The following APBB2 variants were observed in gnomAD, a reference collection of about 807,000 sequenced individuals.
APBB2 encodes amyloid beta precursor protein binding family B member 2, also known as Fe65-like 1.
A neutral mutation model predicts 82.5 loss-of-function variants in APBB2; 38 were observed. The observed-to-expected ratio is 0.46, with a 90% CI of 0.36 to 0.60. APBB2 has a LOEUF of 0.60. APBB2 is among the 20% of genes least tolerant of loss of function. The pLI, the probability that APBB2 is intolerant of heterozygous loss-of-function variation, is 0.00. For synonymous variants in APBB2, 341 were observed against 368.2 expected, an observed-to-expected ratio of 0.93 and a Z score of 0.85; for missense variants, 772 against 972.3, an observed-to-expected ratio of 0.79 and a Z score of 2.74.
At chr4:40,895,619 A>C in intron 10 of APBB2, among the ~76,000 whole-genome samples, 1 of 152,210 alleles carries the variant, frequency 6.6e-6, no homozygotes, top group East Asian at 1.9e-4. Flanking sequence ...ATGAAAACGC[A>C]CAATTGTGCC....
intron 2 of APBB2, among the ~76,000 whole-genome samples, chr4:41,117,188 G>C (rs1264983982): frequency 6.6e-6 from 1 of 151,932 alleles, no homozygotes; most frequent in Non-Finnish European, 1.5e-5. Context: ...TATTTACTAA[G>C]AGTTTCTCAT....
chr4:40,835,186 G>C (rs1479869258), intron 12 of APBB2, among the ~76,000 whole-genome samples: 1 of 151,318 alleles, frequency 6.6e-6, no homozygotes, highest in Non-Finnish European at 1.5e-5. Flanking sequence ...TGAGGCAGGA[G>C]AATCGCTTGA....
intron 10 of APBB2, among the ~76,000 whole-genome samples, chr4:40,925,472 G>C (rs1782389426): frequency 6.6e-6 from 1 of 152,204 alleles, no homozygotes; most frequent in African/African-American, 2.4e-5. Context: ...AACCCGGGCA[G>C]TCTGGGTCCA....
intron 6 of APBB2, among the ~76,000 whole-genome samples, chr4:40,972,018 C>A (rs1022710980): frequency 6.6e-6 from 1 of 152,094 alleles, no homozygotes; most frequent in African/African-American, 2.4e-5. Context: ...TAACATCGAA[C>A]AAAAGTGCTC....
At chr4:41,177,909 T>C (rs1030645523) in intron 1 of APBB2, among the ~76,000 whole-genome samples, 42 of 152,326 alleles carry the variant, frequency 2.8e-4, no homozygotes, top group Non-Finnish European at 5.9e-5. Flanking sequence ...CCAGTGAGCA[T>C]TTCCTTTGAA....
intron 10 of APBB2, among the ~76,000 whole-genome samples, chr4:40,917,250 A>C (rs1780070362): frequency 6.6e-6 from 1 of 152,144 alleles, no homozygotes; most frequent in Non-Finnish European, 1.5e-5. Flanking sequence ...AGTGAACTCC[A>C]GCTCCCCAGC....
At chr4:41,169,503 T>C (rs1767663725) in intron 1 of APBB2, among the ~76,000 whole-genome samples, 1 of 152,202 alleles carries the variant, frequency 6.6e-6, no homozygotes, top group South Asian at 2.1e-4. Context: ...CTGCCAATTT[T>C]GAACCAAATG....
intron 2 of APBB2, among the ~76,000 whole-genome samples, chr4:41,139,707 T>G (rs1439877369): frequency 6.6e-6 from 1 of 152,100 alleles, no homozygotes; most frequent in Non-Finnish European, 1.5e-5. Flanking sequence ...TATGACACTG[T>G]GGAAAAAGTA....
chr4:40,937,117 A>C (rs1237952819), intron 7 of APBB2, among the ~76,000 whole-genome samples: 4 of 152,240 alleles, frequency 2.6e-5, no homozygotes, highest in Non-Finnish European at 4.4e-5. Context: ...CACTGTTTAC[A>C]TGTGAGCAAT....
At chr4:41,095,322 G>A (rs754352249) in intron 3 of APBB2, among the ~76,000 whole-genome samples, 1 of 152,242 alleles carries the variant, frequency 6.6e-6, no homozygotes, top group Non-Finnish European at 1.5e-5. Context: ...CTAAACAACA[G>A]CTAGCAGCAG....
At chr4:41,159,820 C>G (rs1764370532) in intron 1 of APBB2, among the ~76,000 whole-genome samples, 1 of 131,376 alleles carries the variant, frequency 7.6e-6, no homozygotes, top group African/African-American at 2.9e-5. Context: ...TAGAAGCATC[C>G]AAAGAAAATG....
At chr4:41,103,620 G>A (rs1746179910) in intron 2 of APBB2, among the ~76,000 whole-genome samples, 1 of 151,370 alleles carries the variant, frequency 6.6e-6, no homozygotes, top group South Asian at 2.1e-4. Context: ...TTGTTTATAA[G>A]AAAAAAGACT....
At chr4:41,132,408 A>T (rs1025623191) in intron 2 of APBB2, among the ~76,000 whole-genome samples, 2 of 152,236 alleles carry the variant, frequency 1.3e-5, no homozygotes, top group Non-Finnish European at 2.9e-5. Context: ...AAAGATATTT[A>T]AAAAGTCACC....
chr4:41,054,884 C>A (rs142828002), intron 4 of APBB2, among the ~76,000 whole-genome samples: 1 of 152,206 alleles, frequency 6.6e-6, no homozygotes, highest in African/African-American at 2.4e-5. Context: ...ATGCTGCTCT[C>A]GCCACCTCCC....
intron 1 of APBB2, among the ~76,000 whole-genome samples, chr4:41,188,784 C>T (rs778144703): frequency 1.3e-5 from 2 of 152,106 alleles, no homozygotes; most frequent in South Asian, 2.1e-4. Flanking sequence ...TGTGGTGGCA[C>T]GTGCCTGTAG....
At chr4:41,186,523 C>T (rs1301930580) in intron 1 of APBB2, among the ~76,000 whole-genome samples, 1 of 152,170 alleles carries the variant, frequency 6.6e-6, no homozygotes, top group Non-Finnish European at 1.5e-5. Flanking sequence ...TCAACCCTTA[C>T]ACTATGTCAA....
intron 6 of APBB2, among the ~76,000 whole-genome samples, chr4:40,989,518 A>G (rs1292050466): frequency 7.5e-6 from 1 of 133,930 alleles, no homozygotes; most frequent in Non-Finnish European, 1.7e-5. Context: ...CCTTGAGTAG[A>G]AGGAGAAACT....
intron 12 of APBB2, among the ~76,000 whole-genome samples, chr4:40,871,947 G>A (rs975885938): frequency 6.6e-6 from 1 of 152,184 alleles, no homozygotes; most frequent in Admixed American, 6.5e-5. Context: ...CTAGTACAAT[G>A]AATATATGCA....
intron 5 of APBB2, among the ~76,000 whole-genome samples, chr4:41,015,698 AT>A (rs1382847300): frequency 2.0e-5 from 3 of 152,218 alleles, no homozygotes; most frequent in Non-Finnish European, 2.9e-5. Context: ...CATGTGGCCC[AT>A]AAGAGAGTCA....
Sources: allele counts gnomAD v4.1 joint callset (sites outside exome capture counted in the v4.1 genomes callset), GRCh38; gene constraint gnomAD v4.1.1; transcripts MANE v1.5; gene names NCBI Gene and HGNC (gene_info 2026-07-23, HGNC 2026-07-21).